NRXN1: variants seen among roughly 807,000 people sequenced by gnomAD.
NRXN1 encodes neurexin 1, also known as neurexin-1.
Under a neutral mutation model 150.9 loss-of-function variants are expected in NRXN1, and 39 were observed. The ratio of observed to expected loss-of-function variants is 0.26; its 90% CI spans 0.20 to 0.34. The LOEUF (loss-of-function observed/expected upper bound fraction) is 0.34, where lower values mean the gene tolerates loss of function less well. NRXN1 is among the 10% of genes least tolerant of loss of function. The pLI is 1.00. For synonymous variants in NRXN1, 924 were observed against 757.0 expected (o/e 1.22, Z -3.62); for missense variants, 1,815 against 1,949.9 (o/e 0.93, Z 1.30).
At chr2:50,393,832 G>A (rs1001427225) in intron 17 of NRXN1, among the ~76,000 whole-genome samples, 1 of 152,014 alleles carries the variant, frequency 6.6e-6, no homozygotes, top group African/African-American at 2.4e-5. Flanking sequence ...GAAGAATTAT[G>A]CGAGAAAAAT....
chr2:50,100,805 T>C (rs57045869), intron 18 of NRXN1, among the ~76,000 whole-genome samples: 2,007 of 152,202 alleles, frequency 0.013, 45 homozygotes, highest in African/African-American at 0.046. Flanking sequence ...GAAGTTGAAA[T>C]AGTTGCCTTT....
At chr2:50,796,545 G>A (rs1706858865) in intron 5 of NRXN1, among the ~76,000 whole-genome samples, 1 of 152,058 alleles carries the variant, frequency 6.6e-6, no homozygotes, top group South Asian at 2.1e-4. Context: ...AGGCCTAAAG[G>A]AAAATTTCAC....
intron 21 of NRXN1, among the ~76,000 whole-genome samples, chr2:50,031,429 G>A (rs989441414): frequency 6.6e-6 from 1 of 151,774 alleles, no homozygotes; most frequent in Non-Finnish European, 1.5e-5. Flanking sequence ...TCCATATCCA[G>A]GTTAATTACA....
At chr2:50,441,238 G>A (rs550842000) in intron 17 of NRXN1, among the ~76,000 whole-genome samples, 1 of 151,876 alleles carries the variant, frequency 6.6e-6, no homozygotes, top group Admixed American at 6.6e-5. Flanking sequence ...TTGTCTTAGG[G>A]GTCCCCAAAT....
Position 50,853,411 on chromosome 2 carries a change from C to T in NRXN1, c.832+68458G>A, listed in dbSNP as rs1196642857. Among the ~76,000 whole-genome samples, 10 of 152,178 alleles carry T rather than the reference C, an allele frequency of 6.6e-5. No homozygotes were observed. In the East Asian group the frequency reaches 1.7e-3, roughly 26 times the overall value. On this transcript the variant is annotated intron_variant, in intron 5 of 22. Coordinates refer to ENST00000401669, the MANE Select transcript of NRXN1 (RefSeq NM_001330078.2). The stretch of plus-strand genomic sequence containing the variant: ...GAAGTGGAACAGGTCACTTAAATTT[C>T]TCTGTATCCATGTCACAAGTTTCAT...
chr2:50,986,325 A>T (rs1000499378), intron 2 of NRXN1, among the ~76,000 whole-genome samples: 1 of 151,758 alleles, frequency 6.6e-6, no homozygotes, highest in Non-Finnish European at 1.5e-5. Flanking sequence ...TAAATAAAAA[A>T]TATTCGTAGA....
intron 5 of NRXN1, among the ~76,000 whole-genome samples, chr2:50,770,232 T>C (rs1310408890): frequency 6.6e-6 from 1 of 152,040 alleles, no homozygotes; most frequent in East Asian, 1.9e-4. Context: ...GAAAACAGAG[T>C]CTATTTTACA....
chr2:49,944,355 T>G (rs1226727954), intron 21 of NRXN1, among the ~76,000 whole-genome samples: 2 of 152,224 alleles, frequency 1.3e-5, no homozygotes, highest in Non-Finnish European at 2.9e-5. Context: ...ACTTTCATTT[T>G]CATTATGATT....
intron 19 of NRXN1, among the ~76,000 whole-genome samples, chr2:50,059,322 G>A (rs1694126874): frequency 6.6e-6 from 1 of 152,206 alleles, no homozygotes; most frequent in African/African-American, 2.4e-5. Flanking sequence ...AGTATCTGGT[G>A]AAAGAAACTT....
chr2:50,845,174 T>G (rs1447586496), intron 5 of NRXN1, among the ~76,000 whole-genome samples: 1 of 152,102 alleles, frequency 6.6e-6, no homozygotes, highest in Non-Finnish European at 1.5e-5. Context: ...AAAAATTGCC[T>G]CTGAGAAAAG....
At chr2:50,967,446 G>C (rs1694284114) in intron 2 of NRXN1, among the ~76,000 whole-genome samples, 3 of 151,964 alleles carry the variant, frequency 2.0e-5, no homozygotes, top group Admixed American at 1.3e-4. Flanking sequence ...TGAACAGTCT[G>C]GGTAAATTCC....
chr2:50,206,047 T>A (rs547903875), intron 18 of NRXN1, among the ~76,000 whole-genome samples: 1 of 152,054 alleles, frequency 6.6e-6, no homozygotes, highest in Non-Finnish European at 1.5e-5. Flanking sequence ...ATTGTACACA[T>A]TGAGTAAATC....
At chr2:50,836,750 T>G (rs573523387) in intron 5 of NRXN1, among the ~76,000 whole-genome samples, 1 of 151,778 alleles carries the variant, frequency 6.6e-6, no homozygotes, top group African/African-American at 2.4e-5. Context: ...TTCCATGTAA[T>G]CTTGACCTAA....
chr2:50,230,220 CTATATAGTGAGA>C (rs1335897774), intron 18 of NRXN1, among the ~76,000 whole-genome samples: 5 of 151,874 alleles, frequency 3.3e-5, no homozygotes, highest in Non-Finnish European at 2.9e-5. Context: ...TGAGTCAAAT[CTATATAGTGAGA>C]GAGAATGGGA....
chr2:50,904,576 C>A (rs1574886645), intron 5 of NRXN1, among the ~76,000 whole-genome samples: 1 of 152,138 alleles, frequency 6.6e-6, no homozygotes, highest in Admixed American at 6.5e-5. Flanking sequence ...CTAACTCTCC[C>A]ATTTACCAGT....
intron 5 of NRXN1, among the ~76,000 whole-genome samples, chr2:50,670,385 T>C (rs978963490): frequency 1.5e-5 from 2 of 137,634 alleles, no homozygotes; most frequent in Non-Finnish European, 3.1e-5. Context: ...TAGGTATGGC[T>C]TTCTGTTTTT....
intron 5 of NRXN1, among the ~76,000 whole-genome samples, chr2:50,706,519 A>G (rs1274716040): frequency 1.3e-5 from 2 of 152,118 alleles, no homozygotes; most frequent in Admixed American, 6.6e-5. Context: ...CCAACTGGTA[A>G]ATGACTCCTC....
intron 2 of NRXN1, among the ~76,000 whole-genome samples, chr2:50,982,234 T>C (rs1463209741): frequency 6.6e-6 from 1 of 152,300 alleles, no homozygotes; most frequent in East Asian, 1.9e-4. Context: ...CATTACTTTA[T>C]AGTGATTCAA....
At position 50,255,766 on chromosome 2, in the gene NRXN1, T is replaced by C. The variant is rs146220694; in HGVS notation, c.3365-18796A>G. Among the ~76,000 whole-genome samples the C allele has an allele frequency of 8.7e-4, 132 of 152,312 alleles. 1 individual carries two copies. Among genetic ancestry groups the C allele is most frequent in the African/African-American group, 3.1e-3 (128 of 41,584 alleles). On this transcript the variant is annotated intron_variant, in intron 17 of 22. Transcript: ENST00000401669. ...AATAAAGTTTGCATGCCATCTGTTT[T>C]CAAAGTCATTTAAATTAAGTTTTAT...
Sources: allele counts gnomAD v4.1 joint callset (sites outside exome capture counted in the v4.1 genomes callset), GRCh38; gene constraint gnomAD v4.1.1; transcripts MANE v1.5; gene names NCBI Gene and HGNC (gene_info 2026-07-23, HGNC 2026-07-21).